STAG1: variants seen among roughly 807,000 people sequenced by gnomAD.
STAG1 encodes the protein cohesin subunit SA-1.
In STAG1, 26 loss-of-function variants were observed where a neutral mutation model predicts 170.9. The ratio of observed to expected loss-of-function variants is 0.15; its 90% CI spans 0.11 to 0.21. The LOEUF is 0.21. Ranked by LOEUF, STAG1 falls within the 10% of genes least tolerant of loss-of-function variation. The pLI, the probability that STAG1 is intolerant of heterozygous loss-of-function variation, is 1.00. For synonymous variants in STAG1, 514 were observed against 497.7 expected (o/e 1.03, Z -0.44); for missense variants, 964 against 1,509.5 (o/e 0.64, Z 5.99).
intron 4 of STAG1, among the ~76,000 whole-genome samples, chr3:136,582,302 G>A (rs1937608089): frequency 6.6e-6 from 1 of 152,138 alleles, no homozygotes; most frequent in South Asian, 2.1e-4. Flanking sequence ...AATAAACACG[G>A]CTAGAAGAGG....
intron 4 of STAG1, among the ~76,000 whole-genome samples, chr3:136,581,237 C>T (rs960880186): frequency 2.0e-5 from 3 of 152,152 alleles, no homozygotes; most frequent in Admixed American, 6.5e-5. Context: ...TGTTGAGCTC[C>T]GCTAATTTAC....
At chr3:136,436,901 G>A (rs1389666730) in intron 15 of STAG1, among the ~76,000 whole-genome samples, 1 of 152,128 alleles carries the variant, frequency 6.6e-6, no homozygotes, top group African/African-American at 2.4e-5. Flanking sequence ...ATGAACTTTA[G>A]CTTATCTTAG....
At chr3:136,440,503 G>A (rs2088598466) in intron 15 of STAG1, among the ~76,000 whole-genome samples, 1 of 151,660 alleles carries the variant, frequency 6.6e-6, no homozygotes, top group Non-Finnish European at 1.5e-5. Context: ...GTGATATACA[G>A]AAAATGAGTT....
At chr3:136,515,907 A>G (rs746928406) in intron 7 of STAG1, among the ~76,000 whole-genome samples, 6 of 152,230 alleles carry the variant, frequency 3.9e-5, no homozygotes, top group Non-Finnish European at 8.8e-5. Flanking sequence ...AAAATTGAAT[A>G]AAGATTTTAT....
At chr3:136,591,604 TTGG>T (rs1938186582) in intron 4 of STAG1, 2 of 390,972 alleles carry the variant, frequency 5.1e-6, no homozygotes, top group Non-Finnish European at 1.0e-5. Flanking sequence ...AGCATATGTA[TTGG>T]TGGTATAACA....
intron 6 of STAG1, among the ~76,000 whole-genome samples, 167 bp from the exon 7 acceptor site, chr3:136,521,584 T>C (rs1207711551): frequency 3.3e-5 from 5 of 152,172 alleles, no homozygotes; most frequent in Non-Finnish European, 7.4e-5. Context: ...TTGATTTTGA[T>C]CTGCCACAAC....
chr3:136,527,173 T>C (rs930428072), intron 6 of STAG1, among the ~76,000 whole-genome samples: 7 of 152,228 alleles, frequency 4.6e-5, no homozygotes, highest in African/African-American at 1.4e-4. Flanking sequence ...TCCTGGATAA[T>C]ATCCTGCAGA....
At chr3:136,661,840 G>T (rs1473616274) in intron 1 of STAG1, among the ~76,000 whole-genome samples, 1 of 152,166 alleles carries the variant, frequency 6.6e-6, no homozygotes, top group Admixed American at 6.5e-5. Context: ...GTATCCCTGT[G>T]AGGCAGGTAT....
rs559195933 is a variant in STAG1 at position 136,352,583 on chromosome 3, A to G, written c.3066-3220T>C. 3.3e-5 allele frequency among the ~76,000 whole-genome samples: 5 copies of G among 152,330 alleles called. No homozygotes were observed. In the South Asian group the frequency reaches 1.0e-3, roughly 32 times the overall value. ...ACAAAGATTTCAAAGCAATGATTATAAATACAAAGTCCCCAACTTACAATG... is the reference window on the plus strand; with the variant it reads ...ACAAAGATTTCAAAGCAATGATTATGAATACAAAGTCCCCAACTTACAATG... On this transcript the variant is annotated intron_variant, in intron 28 of 33. Transcript: ENST00000383202.
intron 12 of STAG1, among the ~76,000 whole-genome samples, chr3:136,466,338 G>T (rs926677339): frequency 1.3e-5 from 2 of 152,202 alleles, no homozygotes; most frequent in African/African-American, 4.8e-5. Context: ...ACCATGGCAG[G>T]AGAACTACGT....
At chr3:136,727,589 T>G (rs938162193) in intron 1 of STAG1, among the ~76,000 whole-genome samples, 4 of 152,176 alleles carry the variant, frequency 2.6e-5, no homozygotes, top group Admixed American at 1.3e-4. Flanking sequence ...TGAATATAGT[T>G]AAGGATGGAA....
intron 4 of STAG1, among the ~76,000 whole-genome samples, chr3:136,590,890 C>A (rs1472360179): frequency 2.6e-5 from 4 of 151,984 alleles, no homozygotes; most frequent in African/African-American, 9.7e-5. Flanking sequence ...TTTCATTTAT[C>A]CAATTAGTTA....
chr3:136,370,342 TTTC>T (rs1472169665), intron 23 of STAG1, among the ~76,000 whole-genome samples: 1 of 151,974 alleles, frequency 6.6e-6, no homozygotes, highest in Non-Finnish European at 1.5e-5. Context: ...AATGTATGTG[TTTC>T]TTTTTTTAAT....
intron 3 of STAG1, among the ~76,000 whole-genome samples, chr3:136,620,100 A>G (rs1190000698): frequency 6.6e-6 from 1 of 152,094 alleles, no homozygotes; most frequent in East Asian, 1.9e-4. Flanking sequence ...AATAAAACAT[A>G]AAATAGAAGT....
chr3:136,573,926 G>A (rs1053289229), intron 4 of STAG1, among the ~76,000 whole-genome samples: 7 of 151,966 alleles, frequency 4.6e-5, no homozygotes, highest in Non-Finnish European at 5.9e-5. Context: ...AGCGGAGATC[G>A]CGCCACTGCA....
intron 15 of STAG1, among the ~76,000 whole-genome samples, 159 bp downstream of exon 15, chr3:136,443,128 T>C (rs550154834): frequency 1.3e-4 from 20 of 152,364 alleles, no homozygotes; most frequent in South Asian, 1.0e-3. Context: ...TTAGAAACGA[T>C]TGACACATCC....
At chr3:136,736,652 T>C in intron 1 of STAG1, 4 of 1,604,340 alleles carry the variant, frequency 2.5e-6, no homozygotes, top group Non-Finnish European at 3.4e-6. Context: ...CCCGTTTGGC[T>C]TTTTCTTGAG....
At chr3:136,509,811 A>T (rs182236569) in intron 7 of STAG1, among the ~76,000 whole-genome samples, 2 of 152,238 alleles carry the variant, frequency 1.3e-5, no homozygotes, top group South Asian at 4.1e-4. Context: ...TGCTAAACAT[A>T]AAACTGAAAA....
intron 1 of STAG1, among the ~76,000 whole-genome samples, chr3:136,751,730 G>C (rs1320992132): frequency 4.0e-5 from 6 of 151,884 alleles, no homozygotes; most frequent in South Asian, 2.1e-4. Flanking sequence ...AACGCAGGTC[G>C]GCAGGCGGCG....
Sources: gnomAD v4.1 joint callset for allele counts (sites outside exome capture counted in the v4.1 genomes callset) on GRCh38, gnomAD v4.1.1 for gene constraint, MANE v1.5 for transcripts, NCBI Gene and HGNC (gene_info 2026-07-23, HGNC 2026-07-21) for gene names.